Variants in PRKCZ observed in about 807,000 individuals in gnomAD.
The protein encoded by PRKCZ is protein kinase C zeta type.
PRKCZ carries 33 observed loss-of-function variants against 79.5 expected under a neutral mutation model. The observed-to-expected ratio is 0.41, with a 90% confidence interval of 0.31 to 0.55. PRKCZ has a LOEUF of 0.55. Ranked by LOEUF, PRKCZ falls within the 20% of genes least tolerant of loss-of-function variation. The pLI is 0.19. For missense variants in PRKCZ, 578 were observed against 813.5 expected, an observed-to-expected ratio of 0.71 and a Z score of 3.52; for synonymous variants, 342 against 320.9, an observed-to-expected ratio of 1.07 and a Z score of -0.70.
chr1:2,073,754 A>G, intron 4 of PRKCZ: 1 of 1,008,022 alleles, frequency 9.9e-7, no homozygotes, highest in Non-Finnish European at 1.2e-6. Context: ...GGGACAGGAC[A>G]GCCGGCCTTC....
chr1:2,149,309 T>G lies in PRKCZ; in HGVS notation c.687+385T>G, dbSNP rs1339391369. Among the ~76,000 whole-genome samples the G allele has an allele frequency of 6.6e-6, 1 of 152,200 alleles. No homozygotes were observed. Among genetic ancestry groups the G allele is most frequent in the Non-Finnish European group, 1.5e-5 (1 of 68,016 alleles). On this transcript the variant is annotated intron_variant, in intron 8 of 17. Coordinates refer to ENST00000378567, the MANE Select transcript of PRKCZ (RefSeq NM_002744.6). The surrounding 1 kb of genome is among the most constrained non-coding windows in gnomAD (Gnocchi z 4.1). The stretch of plus-strand genomic sequence containing the variant: ...CTCATTTGGCCATCCTGGCAAACCC[T>G]CTGAAGCCCTTTCATGTCCTTCCCC...
chr1:2,169,291 C>G lies in PRKCZ; in HGVS notation c.975-227C>G, dbSNP rs552517359. The stretch of plus-strand genomic sequence containing the variant: ...CACAGTGGCCAAGAGTGAAGGCCGG[C>G]GAGGCCCCCGCATGACTCCCTCACC... On this transcript the variant is annotated intron_variant, in intron 10 of 17. Coordinates refer to ENST00000378567, the MANE Select transcript of PRKCZ (RefSeq NM_002744.6). 3.4e-3 allele frequency: 1,926 copies of G among 574,692 alleles called. 7 individuals carry two copies. Among genetic ancestry groups the G allele is most frequent in the Non-Finnish European group, 4.7e-3 (1,418 of 301,584 alleles). 35.6% of individuals were successfully genotyped at this position (574,692 alleles called of 1,614,324 possible). A position where few individuals can be genotyped will look rare whatever the true frequency, so the allele number is the denominator to read the frequency against.
intron 5 of PRKCZ, among the ~76,000 whole-genome samples, chr1:2,139,757 C>T (rs1676945822): frequency 6.6e-6 from 1 of 152,234 alleles, no homozygotes; most frequent in African/African-American, 2.4e-5. Flanking sequence ...CAAAAGAAAT[C>T]ACCCGTCATT....
intron 5 of PRKCZ, chr1:2,142,633 C>A: frequency 4.9e-6 from 1 of 202,270 alleles, no homozygotes; most frequent in South Asian, 6.1e-5. Context: ...TCTGTCATGG[C>A]TGGGCTGATG....
chr1:2,130,151 C>T (rs1488612794), intron 4 of PRKCZ, among the ~76,000 whole-genome samples: 1 of 152,188 alleles, frequency 6.6e-6, no homozygotes, highest in African/African-American at 2.4e-5. Context: ...AGTGATCCAC[C>T]TGCCTCGACC....
At position 2,059,622 on chromosome 1, in the gene PRKCZ, G is replaced by A. The variant is rs376064707; in HGVS notation, c.334+31G>A. On this transcript the variant is annotated intron_variant, in intron 4 of 17. Transcript: ENST00000378567. ...TACTGGGGTTTCCTACGCCGGTCTC[G>A]CATGTTACGGGGTTGAACTGTTGAT... is the stretch of plus-strand genomic sequence containing the variant. 2.0e-5 allele frequency: 32 copies of A among 1,612,524 alleles called. No individual in the cohort carries two copies. The South Asian group carries it at 2.4e-4, about 12-fold the overall frequency.
At chr1:2,083,255 G>C (rs1663904845) in intron 4 of PRKCZ, among the ~76,000 whole-genome samples, 1 of 152,040 alleles carries the variant, frequency 6.6e-6, no homozygotes, top group Non-Finnish European at 1.5e-5. Flanking sequence ...CTCACTGCCT[G>C]TCCCTCCCTG....
rs531927085 is a variant in PRKCZ, at chr1:2,057,329, G to A, written c.283+756G>A. The stretch of plus-strand genomic sequence containing the variant: ...CGGTACTGCTGGGGGTCTGCAGGGC[G>A]TCTGGGGCCTGGGAATGTGGTTCCA... On this transcript the variant is annotated intron_variant, in intron 3 of 17. Coordinates refer to ENST00000378567, the MANE Select transcript of PRKCZ (RefSeq NM_002744.6). Among the ~76,000 whole-genome samples the A allele has an allele frequency of 3.3e-5, 5 of 152,354 alleles. No homozygotes were observed. The East Asian group carries it at 9.7e-4, about 29-fold the overall frequency.
rs576221588 is a variant in PRKCZ, at chr1:2,115,958, C to A, written c.335-19304C>A. On this transcript the variant is annotated intron_variant, in intron 4 of 17. Coordinates refer to ENST00000378567, the MANE Select transcript of PRKCZ (RefSeq NM_002744.6). ...GCCACTGCTGATTACCTCAGTCTCT[C>A]CTGTCTCCTCTCTGGACCGTGGGCT... 1.4e-4 allele frequency among the ~76,000 whole-genome samples: 22 copies of A among 152,356 alleles called. No individual in the cohort carries two copies. In the East Asian group the frequency reaches 4.3e-3, roughly 29 times the overall value.
rs370395684 is a variant in PRKCZ at position 2,071,391 on chromosome 1, C to G, written c.334+11800C>G. 60 of 432,846 alleles carry G rather than the reference C, an allele frequency of 1.4e-4. 1 individual carries two copies. The East Asian group carries it at 3.9e-3, about 28-fold the overall frequency. The allele number at this position is 432,846 out of a possible 1,614,324, so 26.8% of individuals were successfully genotyped here. A position where few individuals can be genotyped will look rare whatever the true frequency, so the allele number is the denominator to read the frequency against. ...GGCGGCCAAACCTAGTGGGGCTGCG[C>G]GACCGCCTGTGGAACAGTGGGGACG... On this transcript the variant is annotated intron_variant, in intron 4 of 17. Transcript: ENST00000378567.
intron 4 of PRKCZ, among the ~76,000 whole-genome samples, chr1:2,131,607 C>T (rs1246647508): frequency 2.6e-5 from 4 of 152,118 alleles, no homozygotes; most frequent in South Asian, 2.1e-4. Flanking sequence ...ATGCTAGGAG[C>T]GCAGGACTCG....
chr1:2,067,796 A>G (rs917334879), intron 4 of PRKCZ, among the ~76,000 whole-genome samples: 1 of 152,192 alleles, frequency 6.6e-6, no homozygotes, highest in South Asian at 2.1e-4. Flanking sequence ...ATCTGGTCAC[A>G]CAGAAATGGT....
At chr1:2,069,278 C>T (rs1417088636) in intron 4 of PRKCZ, among the ~76,000 whole-genome samples, 1 of 152,128 alleles carries the variant, frequency 6.6e-6, no homozygotes, top group Non-Finnish European at 1.5e-5. Context: ...CCATGGTGGT[C>T]CCTTTGGGAG....
chr1:2,067,254 C>G lies in PRKCZ; in HGVS notation c.334+7663C>G, dbSNP rs77062007. On this transcript the variant is annotated intron_variant, in intron 4 of 17. Coordinates refer to ENST00000378567, the MANE Select transcript of PRKCZ (RefSeq NM_002744.6). ...GTGCAGCCGCTGTGGGTACAGCGCT[C>G]TGCTGTGTCTGTCAGAGCTATGCGG... 0.011 allele frequency among the ~76,000 whole-genome samples: 1,660 copies of G among 152,308 alleles called. 139 individuals are homozygous for G. The East Asian group carries it at 0.21, about 19-fold the overall frequency.
At chr1:2,180,559 G>A (rs1040048842) in intron 16 of PRKCZ, among the ~76,000 whole-genome samples, 3 of 151,890 alleles carry the variant, frequency 2.0e-5, no homozygotes, top group African/African-American at 7.3e-5. Context: ...ATGCATGGAC[G>A]ACGTGGACGC....
At chr1:2,076,930 G>A (rs1392051945) in intron 4 of PRKCZ, among the ~76,000 whole-genome samples, 1 of 152,122 alleles carries the variant, frequency 6.6e-6, no homozygotes, top group Non-Finnish European at 1.5e-5. Flanking sequence ...AACACGCGAA[G>A]GAGGGCACCC....
intron 2 of PRKCZ, 133 bp downstream of exon 2, chr1:2,055,695 A>G (rs1660097443): frequency 3.0e-6 from 4 of 1,342,560 alleles, no homozygotes; most frequent in East Asian, 2.6e-5. Context: ...GTTGGCGCCA[A>G]CTTTTCCCCA....
Position 2,177,436 on chromosome 1 carries a change from T to C in PRKCZ, c.1575+2123T>C, listed in dbSNP as rs1488950245. On this transcript the variant is annotated intron_variant, in intron 16 of 17. Transcript: ENST00000378567. This position sits in a 1 kb window ranked among gnomAD's most constrained non-coding sequence, Gnocchi z 6.4. Reference sequence around the variant, plus strand: ...ATGGGATCCAGGGAGAGCCCGATCCTGGGTGCAGCCTTGGTGCCAGCCGGG... The same window carrying C: ...ATGGGATCCAGGGAGAGCCCGATCCCGGGTGCAGCCTTGGTGCCAGCCGGG... 1.3e-5 allele frequency among the ~76,000 whole-genome samples: 2 copies of C among 152,166 alleles called. No homozygotes were observed. The highest frequency in any genetic ancestry group is 4.8e-5 in the African/African-American group (2 of 41,444).
rs1684776482 is a variant in PRKCZ, at chr1:2,173,057, G to A, written c.1285+669G>A. 6.6e-6 allele frequency among the ~76,000 whole-genome samples: 1 copy of A among 152,124 alleles called. No homozygotes were observed. The highest frequency in any genetic ancestry group is 2.4e-5 in the African/African-American group (1 of 41,440). On this transcript the variant is annotated intron_variant, in intron 13 of 17. Transcript: ENST00000378567. The surrounding 1 kb of genome is among the most constrained non-coding windows in gnomAD (Gnocchi z 5.7). ...GAGTGTTCGTGTGTCGGGCATCCAT[G>A]TGTGTTGTGTGCACATGCATACTGT...
Sources: gnomAD v4.1 joint callset for allele counts (sites outside exome capture counted in the v4.1 genomes callset) on GRCh38, gnomAD v4.1.1 for gene constraint, Gnocchi (gnomAD v3.1) non-coding constraint, MANE v1.5 for transcripts, NCBI Gene and HGNC (gene_info 2026-07-23, HGNC 2026-07-21) for gene names.